The following ENKUR variants were observed in gnomAD, a reference collection of about 807,000 sequenced individuals.
ENKUR encodes enkurin, TRPC channel interacting protein.
Under a neutral mutation model 27.6 loss-of-function variants are expected in ENKUR, and 19 were observed. The ratio of observed to expected loss-of-function variants is 0.69; its 90% confidence interval spans 0.48 to 1.01. The LOEUF (loss-of-function observed/expected upper bound fraction) is 1.01. Ranked by LOEUF, ENKUR falls within the 50% of genes least tolerant of loss-of-function variation. The pLI, the probability that ENKUR is intolerant of heterozygous loss-of-function variation, is 0.00. For synonymous variants in ENKUR, 117 were observed against 96.9 expected (o/e 1.21, Z -1.22); for missense variants, 312 against 310.5 (o/e 1.00, Z -0.04).
intron 2 of ENKUR, among the ~76,000 whole-genome samples, chr10:25,035,981 C>G (rs1299041667): frequency 1.3e-5 from 2 of 152,104 alleles, no homozygotes; most frequent in Non-Finnish European, 2.9e-5. Context: ...TAGCCTTGGT[C>G]GTTATGAAGC....
chr10:24,984,382 G>GAA lies in ENKUR; in HGVS notation c.765-8_765-7dup, dbSNP rs5783912. ...TGTGCTGTTGGTATCATGCGCTGCAGAAAAAAAAAAAAAAAAGTGAAGTTC... is the reference window on the plus strand; with the variant it reads ...TGTGCTGTTGGTATCATGCGCTGCAGAAAAAAAAAAAAAAAAAAGTGAAGTTC... On this transcript the variant is annotated splice_polypyrimidine_tract_variant and splice_region_variant and intron_variant, in intron 5 of 5. Transcript: ENST00000331161. The GAA allele has an allele frequency of 0.12, 161,981 of 1,355,760 alleles. 406 individuals are homozygous for GAA. The highest frequency in any genetic ancestry group is 0.15 in the East Asian group (5,672 of 36,860). 84.0% of individuals were successfully genotyped at this position (1,355,760 alleles called of 1,614,324 possible). A position where few individuals can be genotyped will look rare whatever the true frequency, so the allele number is the denominator to read the frequency against.
chr10:25,055,888 G>C (rs1287108795), intron 2 of ENKUR, among the ~76,000 whole-genome samples: 1 of 152,142 alleles, frequency 6.6e-6, no homozygotes, highest in Admixed American at 6.5e-5. Context: ...CAGCCTGCCA[G>C]GTATGAAGAA....
chr10:25,049,783 CAAA>C (rs60646580), intron 2 of ENKUR, among the ~76,000 whole-genome samples: 4 of 69,304 alleles, frequency 5.8e-5, no homozygotes, highest in South Asian at 6.1e-4. Flanking sequence ...GACTCCGTCT[CAAA>C]AAAAAAAAAA....
intron 1 of ENKUR, among the ~76,000 whole-genome samples, chr10:25,013,512 TG>T (rs1339104173): frequency 6.6e-6 from 1 of 152,220 alleles, no homozygotes; most frequent in Non-Finnish European, 1.5e-5. Flanking sequence ...TTAGGCTGAA[TG>T]GATGAAAATA....
Position 24,984,299 on chromosome 10 carries a change from G to A in ENKUR, c.*71C>T, listed in dbSNP as rs1849729673. The A allele has an allele frequency of 1.3e-6, 2 of 1,528,346 alleles. No individual in the cohort carries two copies. Among genetic ancestry groups the A allele is most frequent in the African/African-American group, 1.4e-5 (1 of 71,434 alleles). 94.7% of individuals were successfully genotyped at this position (1,528,346 alleles called of 1,614,324 possible). On this transcript the variant is annotated 3_prime_UTR_variant, in exon 6 of 6. Transcript: ENST00000331161. ...AACAATGTGTTGGAGACAGTTTAGA[G>A]TAGCAAGAAGGCACGTGTTACTATT...
At chr10:25,060,753 G>A (rs756351119) in intron 2 of ENKUR, among the ~76,000 whole-genome samples, 3 of 152,150 alleles carry the variant, frequency 2.0e-5, no homozygotes, top group Non-Finnish European at 4.4e-5. Context: ...TGTTGCCCAG[G>A]CTTGACTGCA....
At chr10:25,057,377 T>C (rs1039649133) in intron 2 of ENKUR, among the ~76,000 whole-genome samples, 1 of 125,692 alleles carries the variant, frequency 8.0e-6, no homozygotes, top group African/African-American at 3.3e-5. Context: ...CTCTGCACTT[T>C]GGTACACACA....
At chr10:24,984,581 T>G in intron 5 of ENKUR, 155 bp downstream of exon 5, 1 of 1,012,390 alleles carries the variant, frequency 9.9e-7, no homozygotes, top group Non-Finnish European at 1.4e-6. Flanking sequence ...AGTGAATAAC[T>G]CAATTATTCT....
chr10:25,025,524 A>G, intron 2 of ENKUR: 1 of 1,417,698 alleles, frequency 7.1e-7, no homozygotes, highest in South Asian at 1.4e-5. Context: ...ACTGATTTGG[A>G]GTACAGTAGC....
chr10:25,034,489 A>G (rs1850979071), intron 2 of ENKUR, among the ~76,000 whole-genome samples: 1 of 152,218 alleles, frequency 6.6e-6, no homozygotes, highest in Admixed American at 6.5e-5. Flanking sequence ...ATTTAAGATT[A>G]TCTATATTTG....
At chr10:25,002,373 C>G (rs1421549754) in intron 1 of ENKUR, among the ~76,000 whole-genome samples, 2 of 152,216 alleles carry the variant, frequency 1.3e-5, no homozygotes, top group South Asian at 2.1e-4. Context: ...TGAATTCTAG[C>G]AGCTTTGGCC....
chr10:25,015,886 G>C lies in ENKUR; in HGVS notation c.51C>G (p.Asp17Glu). The C allele has an allele frequency of 1.2e-6, 2 of 1,606,210 alleles. No individual in the cohort carries two copies. ...SECIYNLIPS[D>E]LKEPPQPPRY... is the part of the protein sequence containing the mutation. ...TAGGAGGCTGGGGAGGCTCCTTCAA[G>C]TCACTGGGTATGAGGTTATAAATGC... Residue 17 changes from aspartate (D) to glutamate (E), a missense_variant, in exon 1 of 6, where the codon GAC (aspartate) becomes GAG (glutamate). Physicochemically the swap from Asp to Glu is conservative, Grantham distance 45. Coordinates refer to ENST00000331161, the MANE Select transcript of ENKUR (RefSeq NM_145010.4).
At chr10:25,010,110 T>A (rs1023175828) in intron 1 of ENKUR, among the ~76,000 whole-genome samples, 1 of 152,178 alleles carries the variant, frequency 6.6e-6, no homozygotes, top group Non-Finnish European at 1.5e-5. Context: ...TGGGAAAGTT[T>A]GGAGCTTCCT....
rs779303948 is a variant in ENKUR, at chr10:24,999,365, CT to C, written c.223+35del. The C allele has an allele frequency of 5.7e-6, 9 of 1,565,250 alleles. No individual in the cohort carries two copies. In the East Asian group the frequency reaches 1.8e-4, roughly 31 times the overall value. On this transcript the variant is annotated intron_variant, in intron 2 of 5. Transcript: ENST00000331161. ...ATAATAGTTAAATCACCTGCTAATG[CT>C]TTTAATATTAAAAATAAAGCATGAT...
chr10:25,001,487 T>A (rs576495474), intron 1 of ENKUR, among the ~76,000 whole-genome samples: 19 of 152,096 alleles, frequency 1.2e-4, no homozygotes, highest in African/African-American at 1.7e-4. Flanking sequence ...TCATCCGTTT[T>A]CTCCTCTTCC....
At chr10:25,024,863 G>A (rs374906882) in intron 2 of ENKUR, 1 of 1,613,880 alleles carries the variant, frequency 6.2e-7, no homozygotes, top group Non-Finnish European at 8.5e-7. Context: ...ATAAAAACAG[G>A]ACATTATGAT....
chr10:24,992,180 T>C (rs1849943308), intron 3 of ENKUR, among the ~76,000 whole-genome samples: 1 of 152,204 alleles, frequency 6.6e-6, no homozygotes, highest in Non-Finnish European at 1.5e-5. Context: ...CTAGGAATAC[T>C]AGTGAATAAA....
At chr10:24,989,952 T>C (rs1328792585) in intron 4 of ENKUR, among the ~76,000 whole-genome samples, 2 of 152,182 alleles carry the variant, frequency 1.3e-5, no homozygotes, top group Non-Finnish European at 2.9e-5. Flanking sequence ...AATATATCTT[T>C]AAGTCTATGT....
intron 2 of ENKUR, chr10:25,024,588 C>A: frequency 6.2e-7 from 1 of 1,614,118 alleles, no homozygotes; most frequent in East Asian, 2.2e-5. Context: ...ATTTTACTGG[C>A]TTTCTTACTG....
Sources: gnomAD v4.1 joint callset for allele counts (sites outside exome capture counted in the v4.1 genomes callset) on GRCh38, gnomAD v4.1.1 for gene constraint, MANE v1.5 for transcripts, NCBI Gene and HGNC (gene_info 2026-07-23, HGNC 2026-07-21) for gene names.